ZFPM2: variants seen among roughly 807,000 people sequenced by gnomAD.
ZFPM2 encodes zinc finger protein, FOG family member 2.
Under a neutral mutation model 98.6 loss-of-function variants are expected in ZFPM2, and 20 were observed. The observed-to-expected ratio is 0.20, with a 90% confidence interval of 0.14 to 0.29. The LOEUF is 0.29. ZFPM2 is among the 10% of genes least tolerant of loss of function. The probability of loss-of-function intolerance (pLI) is 1.00; values close to 1 mark genes in which losing one functional copy is unlikely to be tolerated. For synonymous variants in ZFPM2, 518 were observed against 502.7 expected (o/e 1.03, Z -0.41); for missense variants, 1,310 against 1,388.6 (o/e 0.94, Z 0.90).
At chr8:105,679,898 G>C (rs2130919121) in intron 5 of ZFPM2, among the ~76,000 whole-genome samples, 1 of 151,844 alleles carries the variant, frequency 6.6e-6, no homozygotes, top group Admixed American at 6.6e-5. Context: ...TTTTTAAAAA[G>C]GAAAATAGAC....
chr8:105,718,256 TGTG>T (rs958362105), intron 5 of ZFPM2, among the ~76,000 whole-genome samples: 1 of 151,892 alleles, frequency 6.6e-6, no homozygotes, highest in Non-Finnish European at 1.5e-5. Context: ...TGATTCTGGG[TGTG>T]GTGGCTGACT....
At chr8:105,523,043 A>G (rs954583508) in intron 3 of ZFPM2, among the ~76,000 whole-genome samples, 3 of 152,216 alleles carry the variant, frequency 2.0e-5, no homozygotes, top group Non-Finnish European at 4.4e-5. Context: ...TTCTAGCCCT[A>G]GCTCTGACTT....
intron 1 of ZFPM2, among the ~76,000 whole-genome samples, chr8:105,356,112 T>A (rs1484850387): frequency 6.6e-6 from 1 of 152,230 alleles, no homozygotes; most frequent in East Asian, 1.9e-4. Flanking sequence ...AACACAGTGG[T>A]TAAACTTTCC....
chr8:105,462,326 T>C lies in ZFPM2; in HGVS notation c.301+17945T>C, dbSNP rs1586390119. ...TTTTATAGCTAAGGATGTTAAGTCT[T>C]AGAACCCTTAAATGGTTTACCTGGT... On this transcript the variant is annotated intron_variant, in intron 3 of 7. Coordinates refer to ENST00000407775, the MANE Select transcript of ZFPM2 (RefSeq NM_012082.4). 1.3e-5 allele frequency among the ~76,000 whole-genome samples: 2 copies of C among 152,086 alleles called. 1 individual carries two copies. The highest frequency in any genetic ancestry group is 4.1e-4 in the South Asian group (2 of 4,828).
intron 4 of ZFPM2, among the ~76,000 whole-genome samples, chr8:105,575,502 A>G (rs1461437135): frequency 6.6e-6 from 1 of 152,142 alleles, no homozygotes; most frequent in Non-Finnish European, 1.5e-5. Context: ...AGAGGCCCTT[A>G]ATGGGATCCT....
At chr8:105,562,571 A>G (rs1364402473) in intron 4 of ZFPM2, among the ~76,000 whole-genome samples, 1 of 152,032 alleles carries the variant, frequency 6.6e-6, no homozygotes, top group Non-Finnish European at 1.5e-5. Flanking sequence ...GATGCTTTAT[A>G]GGAGAATCTG....
intron 5 of ZFPM2, among the ~76,000 whole-genome samples, chr8:105,726,351 G>A (rs1412103034): frequency 6.6e-6 from 1 of 151,842 alleles, no homozygotes; most frequent in South Asian, 2.1e-4. Context: ...CTCCCTATGT[G>A]GAGAGGAGAA....
chr8:105,424,871 T>C (rs1349201304), intron 2 of ZFPM2, among the ~76,000 whole-genome samples: 1 of 152,102 alleles, frequency 6.6e-6, no homozygotes, highest in Non-Finnish European at 1.5e-5. Context: ...AATAAACAAT[T>C]GAATCACATT....
intron 6 of ZFPM2, chr8:105,795,888 A>AAGTT (rs1332016664): frequency 4.0e-5 from 15 of 375,502 alleles, no homozygotes; most frequent in Non-Finnish European, 6.3e-5. Context: ...ATAGATTCTG[A>AAGTT]AGTTAGTAGG....
At chr8:105,515,979 G>A (rs564722949) in intron 3 of ZFPM2, among the ~76,000 whole-genome samples, 47 of 144,540 alleles carry the variant, frequency 3.3e-4, no homozygotes, top group African/African-American at 1.2e-3. Flanking sequence ...GTGCAGTGGC[G>A]TGATCTTGGC....
chr8:105,441,421 AAAG>A (rs1411596368), intron 2 of ZFPM2, among the ~76,000 whole-genome samples: 34 of 118,338 alleles, frequency 2.9e-4, no homozygotes, highest in African/African-American at 1.4e-3. Flanking sequence ...CAACAAAAAA[AAAG>A]AAAGAAAGAA....
chr8:105,490,722 A>C (rs976974984), intron 3 of ZFPM2, among the ~76,000 whole-genome samples: 69 of 152,204 alleles, frequency 4.5e-4, no homozygotes, highest in African/African-American at 1.6e-3. Context: ...GTAAGTAGGA[A>C]GTATAGAGCC....
chr8:105,743,805 T>A (rs907632051), intron 5 of ZFPM2, among the ~76,000 whole-genome samples: 13 of 152,108 alleles, frequency 8.5e-5, no homozygotes, highest in Non-Finnish European at 2.9e-5. Context: ...ATGCTGTCCT[T>A]CAAGGATGTA....
chr8:105,691,318 G>A (rs1218895792), intron 5 of ZFPM2, among the ~76,000 whole-genome samples: 1 of 115,384 alleles, frequency 8.7e-6, no homozygotes, highest in Non-Finnish European at 1.8e-5. Flanking sequence ...GCGGGATCTC[G>A]GCTCACTGCA....
At chr8:105,663,448 A>G (rs1269342404) in intron 5 of ZFPM2, among the ~76,000 whole-genome samples, 1 of 152,188 alleles carries the variant, frequency 6.6e-6, no homozygotes, top group Non-Finnish European at 1.5e-5. Flanking sequence ...TGCACCTACT[A>G]TGTGTCAGAC....
chr8:105,610,909 G>A (rs1816296514), intron 4 of ZFPM2, among the ~76,000 whole-genome samples: 1 of 152,182 alleles, frequency 6.6e-6, no homozygotes, highest in African/African-American at 2.4e-5. Flanking sequence ...GTGATATGTA[G>A]GGAGGCCATG....
intron 1 of ZFPM2, among the ~76,000 whole-genome samples, chr8:105,407,924 G>A (rs1811494839): frequency 6.6e-6 from 1 of 151,866 alleles, no homozygotes; most frequent in South Asian, 2.1e-4. Context: ...GTGTCTCAGG[G>A]AGGCTGGCGC....
chr8:105,723,909 A>G (rs1466850025), intron 5 of ZFPM2, among the ~76,000 whole-genome samples: 6 of 151,706 alleles, frequency 4.0e-5, no homozygotes, highest in Non-Finnish European at 1.5e-5. Context: ...TTTCTCCTCA[A>G]TGATTTTTTT....
chr8:105,416,818 G>A (rs1288277035), intron 1 of ZFPM2, among the ~76,000 whole-genome samples: 7 of 151,940 alleles, frequency 4.6e-5, no homozygotes, highest in African/African-American at 9.7e-5. Flanking sequence ...AGTAATTTGC[G>A]AAGAGCAGCA....
Sources: gnomAD v4.1 joint callset for allele counts (sites outside exome capture counted in the v4.1 genomes callset) on GRCh38, gnomAD v4.1.1 for gene constraint, MANE v1.5 for transcripts, NCBI Gene and HGNC (gene_info 2026-07-23, HGNC 2026-07-21) for gene names.